The following FBXL2 variants were observed in gnomAD, a reference collection of about 807,000 sequenced individuals.
FBXL2 encodes the protein F-box/LRR-repeat protein 2.
FBXL2 carries 38 observed loss-of-function variants against 69.2 expected under a neutral mutation model. The observed-to-expected ratio is 0.55, with a 90% CI of 0.42 to 0.72. The LOEUF is 0.72. Ranked by LOEUF, FBXL2 falls within the 30% of genes least tolerant of loss-of-function variation. The pLI is 0.00. For synonymous variants in FBXL2, 192 were observed against 201.3 expected (o/e 0.95, Z 0.39); for missense variants, 354 against 520.3 (o/e 0.68, Z 3.11).
chr3:33,326,788 A>G (rs2038734089), intron 2 of FBXL2, among the ~76,000 whole-genome samples: 1 of 152,214 alleles, frequency 6.6e-6, no homozygotes, highest in African/African-American at 2.4e-5. Context: ...CTGTAGTTTC[A>G]TCTTTGGAGG....
Position 33,359,312 on chromosome 3 carries a change from C to G in FBXL2, c.150C>G (p.Ser50Arg), listed in dbSNP as rs1412558218. ...GGAACATCTTAGCCCTGGATGGAAG[C>G]AACTGGCAAAGAATAGATCTTTTTA... ...KAWNILALDG[S>R]NWQRIDLFNF... Residue 50 changes from serine (S) to arginine (R), a missense_variant, in exon 4 of 15, where the codon AGC becomes AGG. Transcript: ENST00000484457. 1 of 1,612,358 alleles carries G rather than the reference C, an allele frequency of 6.2e-7. No individual in the cohort carries two copies. Among genetic ancestry groups the G allele is most frequent in the Non-Finnish European group, 8.5e-7 (1 of 1,178,830 alleles).
chr3:33,364,630 AG>A lies in FBXL2; in HGVS notation c.202del (p.Val68TrpfsTer13). 1 of 1,614,114 alleles carries A rather than the reference AG, an allele frequency of 6.2e-7. No individual in the cohort carries two copies. The highest frequency in any genetic ancestry group is 1.3e-5 in the African/African-American group (1 of 75,060). On this transcript the variant is annotated frameshift_variant, in exon 5 of 15. Transcript: ENST00000484457. LOFTEE classifies it high-confidence loss of function. ...FNFQTDVEGR[V>X]VENISKRCGG... ...CCGAACTTTCTTGATTAAAGGGTCG[AG>A]TGGTGGAAAATATCTCGAAGCGATG...
chr3:33,350,973 ACCT>A (rs1177443336), intron 2 of FBXL2, among the ~76,000 whole-genome samples: 2 of 151,612 alleles, frequency 1.3e-5, no homozygotes, highest in African/African-American at 4.8e-5. Context: ...GTAATAATAA[ACCT>A]CCTCCTGGGC....
chr3:33,380,240 A>AAT (rs1037513144), intron 13 of FBXL2, among the ~76,000 whole-genome samples: 1 of 151,158 alleles, frequency 6.6e-6, no homozygotes, highest in Non-Finnish European at 1.5e-5. Flanking sequence ...AAAAAAAAAA[A>AAT]ATTCAAAAGA....
At chr3:33,279,967 A>G (rs2033791156) in intron 1 of FBXL2, among the ~76,000 whole-genome samples, 1 of 152,180 alleles carries the variant, frequency 6.6e-6, no homozygotes, top group East Asian at 1.9e-4. Context: ...TTGTACTGTA[A>G]TGTATAGTGT....
chr3:33,288,236 G>A (rs777123896), intron 1 of FBXL2, among the ~76,000 whole-genome samples: 7 of 152,148 alleles, frequency 4.6e-5, no homozygotes, highest in Admixed American at 1.3e-4. Flanking sequence ...CTACAGCTGC[G>A]TCTTTCCATT....
At chr3:33,383,831 T>C in intron 13 of FBXL2, 158 bp from the exon 14 acceptor site, 1 of 629,040 alleles carries the variant, frequency 1.6e-6, no homozygotes, top group Non-Finnish European at 2.8e-6. Flanking sequence ...CTCATAGTTC[T>C]GAAGGCTGGG....
intron 5 of FBXL2, among the ~76,000 whole-genome samples, chr3:33,364,930 T>C (rs1322098791): frequency 6.6e-6 from 1 of 152,158 alleles, no homozygotes. Context: ...GGACAAATTA[T>C]TTCCCCCGGC....
At chr3:33,328,622 T>C (rs892543683) in intron 2 of FBXL2, among the ~76,000 whole-genome samples, 2 of 151,320 alleles carry the variant, frequency 1.3e-5, no homozygotes, top group Admixed American at 1.3e-4. Flanking sequence ...CAATAAATGG[T>C]GCTGGGGAAA....
intron 13 of FBXL2, among the ~76,000 whole-genome samples, chr3:33,379,751 G>A (rs2042904555): frequency 6.6e-6 from 1 of 151,298 alleles, no homozygotes; most frequent in African/African-American, 2.4e-5. Flanking sequence ...GCAAGTATCT[G>A]TAACAAAATA....
chr3:33,401,106 T>C (rs2044211859), intron 12 of FBXL2: 18 of 1,280,318 alleles, frequency 1.4e-5, no homozygotes, highest in Non-Finnish European at 1.8e-5. Context: ...ATTGTAACTA[T>C]GCAAATTTCA....
chr3:33,339,075 C>CACAA (rs374243047), intron 2 of FBXL2, among the ~76,000 whole-genome samples: 77 of 151,906 alleles, frequency 5.1e-4, no homozygotes, highest in African/African-American at 1.4e-3. Context: ...TAAATAAATT[C>CACAA]ACAAACAAAC....
intron 9 of FBXL2, among the ~76,000 whole-genome samples, chr3:33,374,439 A>G (rs1218414951): frequency 6.6e-6 from 1 of 152,246 alleles, no homozygotes; most frequent in African/African-American, 2.4e-5. Flanking sequence ...AATGTTGATA[A>G]TTGAAGAGGA....
At chr3:33,393,322 A>T in intron 12 of FBXL2, 1 of 1,606,234 alleles carries the variant, frequency 6.2e-7, no homozygotes, top group Non-Finnish European at 8.5e-7. Flanking sequence ...CTGATCACTA[A>T]CAAGAATGTG....
In FBXL2 at chr3:33,364,631, G is replaced by A; in HGVS notation, c.202G>A (p.Val68Met). 6.2e-7 allele frequency: 1 copy of A among 1,614,134 alleles called. No homozygotes were observed. The change falls in exon 5 of 15, where the codon GTG becomes ATG. Residue 68 changes from valine (V) to methionine (M), a missense_variant. Transcript: ENST00000484457. ...FNFQTDVEGR[V>M]VENISKRCGG... Reference sequence around the variant, plus strand: ...CGAACTTTCTTGATTAAAGGGTCGAGTGGTGGAAAATATCTCGAAGCGATG... The same window carrying A: ...CGAACTTTCTTGATTAAAGGGTCGAATGGTGGAAAATATCTCGAAGCGATG...
intron 2 of FBXL2, among the ~76,000 whole-genome samples, chr3:33,325,970 C>T (rs2038659017): frequency 6.6e-6 from 1 of 152,152 alleles, no homozygotes; most frequent in Non-Finnish European, 1.5e-5. Context: ...TGAGATTGTG[C>T]ATACATATCA....
intron 2 of FBXL2, among the ~76,000 whole-genome samples, chr3:33,310,354 T>A (rs1442365038): frequency 4.0e-5 from 6 of 151,754 alleles, no homozygotes; most frequent in Non-Finnish European, 5.9e-5. Context: ...GTTTCACCAT[T>A]GTTACCAAGG....
At chr3:33,419,589 T>C in the FBXL2 span, among the ~76,000 whole-genome samples, 79 of 148,636 alleles carry the variant, frequency 5.3e-4, no homozygotes, top group African/African-American at 1.7e-3. Flanking sequence ...GATCGCGCCA[T>C]TGCACTCCAG....
At chr3:33,399,720 C>T (rs1001319714) in intron 12 of FBXL2, among the ~76,000 whole-genome samples, 8 of 152,142 alleles carry the variant, frequency 5.3e-5, no homozygotes, top group Admixed American at 2.0e-4. Context: ...ACAATCCTGT[C>T]ATCTTAATTG....
Sources: allele counts gnomAD v4.1 joint callset (sites outside exome capture counted in the v4.1 genomes callset), GRCh38; gene constraint gnomAD v4.1.1; transcripts MANE v1.5; gene names NCBI Gene and HGNC (gene_info 2026-07-23, HGNC 2026-07-21).